Variants in PELP1 observed in about 807,000 individuals in gnomAD.
PELP1 encodes proline, glutamate and leucine rich protein 1.
A neutral mutation model predicts 95.5 loss-of-function variants in PELP1; 32 were observed. That is an observed-to-expected ratio of 0.34 (90% CI 0.25 to 0.45). The LOEUF is 0.45. Among genes scored for constraint, PELP1 ranks in the 20% least tolerant of loss-of-function variants. The probability of loss-of-function intolerance (pLI) is 1.00; values close to 1 mark genes in which losing one functional copy is unlikely to be tolerated. For synonymous variants in PELP1, 668 were observed against 600.1 expected, an observed-to-expected ratio of 1.11 and a Z score of -1.65; for missense variants, 1,358 against 1,444.8, an observed-to-expected ratio of 0.94 and a Z score of 0.97.
In PELP1 at chr17:4,680,711, T is replaced by C. The variant is rs560524167; in HGVS notation, c.642+1791A>G. Among the ~76,000 whole-genome samples, 6 of 152,356 alleles carry C rather than the reference T, an allele frequency of 3.9e-5. No homozygotes were observed. In the South Asian group the frequency reaches 1.0e-3, roughly 26 times the overall value. ...CCACAAATTCCAGCTCTCTAGAGAT[T>C]TGTGTTTCCATCTGAGTAAGCAGGT... On this transcript the variant is annotated intron_variant, in intron 5 of 16. Coordinates refer to ENST00000572293, the MANE Select transcript of PELP1 (RefSeq NM_014389.3).
At chr17:4,693,470 C>G (rs1408717683) in intron 1 of PELP1, among the ~76,000 whole-genome samples, 1 of 152,178 alleles carries the variant, frequency 6.6e-6, no homozygotes, top group Admixed American at 6.5e-5. Context: ...CAGTTAGGCA[C>G]AGTAAGAGAT....
chr17:4,686,653 G>A (rs1357773245), intron 3 of PELP1, among the ~76,000 whole-genome samples: 2 of 152,174 alleles, frequency 1.3e-5, no homozygotes, highest in Admixed American at 6.5e-5. Flanking sequence ...AAGTAGCTGG[G>A]ATTACAGGTG....
At chr17:4,700,928 C>CAAAA (rs61195131) in intron 1 of PELP1, among the ~76,000 whole-genome samples, 1 of 102,658 alleles carries the variant, frequency 9.7e-6, no homozygotes, top group Non-Finnish European at 1.8e-5. Flanking sequence ...GGCCCTATCT[C>CAAAA]AAAAAAAAAA....
chr17:4,688,326 G>A (rs577120592), intron 3 of PELP1, among the ~76,000 whole-genome samples: 2 of 151,216 alleles, frequency 1.3e-5, no homozygotes, highest in Admixed American at 6.6e-5. Flanking sequence ...CAGAATGAGA[G>A]ACTCCATCTA....
At position 4,675,081 on chromosome 17, in the gene PELP1, G is replaced by A. The variant is rs1242336825; in HGVS notation, c.1272C>T (p.Tyr424=). 6.2e-7 allele frequency: 1 copy of A among 1,613,304 alleles called. No homozygotes were observed. The highest frequency in any genetic ancestry group is 8.5e-7 in the Non-Finnish European group (1 of 1,179,474). ...DSLSPGQERP[Y]STVRTKVYAI... is the part of the protein sequence containing the mutation. Reference sequence around the variant, plus strand: ...TTCCTGCCTTCCTGGATGGTCACCTGTAAGGCCTCTCCTGGCCTGGAGAGA... The same window carrying A: ...TTCCTGCCTTCCTGGATGGTCACCTATAAGGCCTCTCCTGGCCTGGAGAGA... Residue 424 remains tyrosine, a splice_region_variant and synonymous_variant, in exon 11 of 17, where the codon TAC becomes TAT. Coordinates refer to ENST00000572293, the MANE Select transcript of PELP1 (RefSeq NM_014389.3). The surrounding 1 kb of genome is among the most constrained non-coding windows in gnomAD (Gnocchi z 4.3).
chr17:4,678,376 G>A (rs1433225596), intron 5 of PELP1, among the ~76,000 whole-genome samples: 3 of 152,012 alleles, frequency 2.0e-5, no homozygotes, highest in African/African-American at 7.3e-5. Flanking sequence ...TTGGGAGACT[G>A]ACGTGGGAGG....
intron 1 of PELP1, chr17:4,691,889 T>C (rs1913116995): frequency 6.5e-6 from 1 of 154,588 alleles, no homozygotes; most frequent in South Asian, 2.0e-4. Context: ...GCTGTAAAAA[T>C]GCCAACACAG....
intron 1 of PELP1, among the ~76,000 whole-genome samples, chr17:4,699,985 C>G (rs1913458935): frequency 6.8e-6 from 1 of 146,246 alleles, no homozygotes; most frequent in Admixed American, 7.1e-5. Context: ...TCACTGCAAC[C>G]TCTGCCCCGA....
At position 4,682,865 on chromosome 17, in the gene PELP1, G is replaced by A. The variant is rs888324031; in HGVS notation, c.508C>T (p.Arg170Trp). The A allele has an allele frequency of 8.1e-6, 13 of 1,601,962 alleles. No homozygotes were observed. The highest frequency in any genetic ancestry group is 6.8e-5 in the South Asian group (6 of 88,478). ...GGGAGGTGGTTCATGGAGATGTCCCGGAACAGTGCAGGCAGCTGGGCTGCA... is the reference window on the plus strand; with the variant it reads ...GGGAGGTGGTTCATGGAGATGTCCCAGAACAGTGCAGGCAGCTGGGCTGCA... ...RYAAQLPALF[R>W]DISMNHLPGL... Residue 170 changes from arginine to tryptophan, a missense_variant, in exon 4 of 17, where the codon CGG becomes TGG. By Grantham distance (101) the Arg-to-Trp change is moderately radical. Around this residue, in one of 7 missense-constraint regions of PELP1, gnomAD observed 538 missense variants for 628.1 expected, o/e 0.86. Coordinates refer to ENST00000572293, the MANE Select transcript of PELP1 (RefSeq NM_014389.3).
chr17:4,673,953 G>T lies in PELP1; in HGVS notation c.1583-279C>A. 2.3e-6 allele frequency: 1 copy of T among 434,670 alleles called. No homozygotes were observed. The highest frequency in any genetic ancestry group is 4.2e-6 in the Non-Finnish European group (1 of 238,632). 26.9% of individuals were successfully genotyped at this position (434,670 alleles called of 1,614,324 possible). Reference sequence around the variant, plus strand: ...CGGTTCTCCCCTTCCCATGGGATGGGGTGGCAGGCAGTGAAATATATGGGA... The same window carrying T: ...CGGTTCTCCCCTTCCCATGGGATGGTGTGGCAGGCAGTGAAATATATGGGA... On this transcript the variant is annotated intron_variant, in intron 13 of 16. Coordinates refer to ENST00000572293, the MANE Select transcript of PELP1 (RefSeq NM_014389.3). This position sits in a 1 kb window ranked among gnomAD's most constrained non-coding sequence, Gnocchi z 5.7.
At chr17:4,676,922 G>A (rs181387051) in intron 5 of PELP1, 110 bp from the exon 6 acceptor site, 2 of 796,504 alleles carry the variant, frequency 2.5e-6, no homozygotes, top group East Asian at 2.7e-5. Context: ...TCTTTTTCCT[G>A]TAGACACAAG....
Position 4,690,947 on chromosome 17 carries a change from T to A in PELP1, c.361A>T (p.Thr121Ser). The change falls in exon 3 of 17, where the codon ACA becomes TCA. Residue 121 changes from threonine (T) to serine (S), a missense_variant. Around this residue, in one of 7 missense-constraint regions of PELP1, gnomAD observed 538 missense variants for 628.1 expected, o/e 0.86. Coordinates refer to ENST00000572293, the MANE Select transcript of PELP1 (RefSeq NM_014389.3). The part of the protein sequence containing the change: ...LLSLLVGESP[T>S]ELFQQHCVSW... ...ACACAGTGCTGCTGGAATAGCTCTG[T>A]GGGGCTCTCCCCTACCAGCAGGGAC... The A allele has an allele frequency of 6.2e-7, 1 of 1,613,928 alleles. No individual in the cohort carries two copies. Among genetic ancestry groups the A allele is most frequent in the Non-Finnish European group, 8.5e-7 (1 of 1,179,820 alleles).
rs1055120434 is a variant in PELP1 at position 4,673,556 on chromosome 17, C to A, written c.1638+63G>T. 2 of 1,575,380 alleles carry A rather than the reference C, an allele frequency of 1.3e-6. No homozygotes were observed. Among genetic ancestry groups the A allele is most frequent in the Non-Finnish European group, 1.7e-6 (2 of 1,145,164 alleles). On this transcript the variant is annotated intron_variant, in intron 14 of 16. Coordinates refer to ENST00000572293, the MANE Select transcript of PELP1 (RefSeq NM_014389.3). This position sits in a 1 kb window ranked among gnomAD's most constrained non-coding sequence, Gnocchi z 5.7. ...GAATGGACCCACCTCTGGGCCACAC[C>A]CCCCAATGTGTACAGAGCAGGGGCC... is the stretch of plus-strand genomic sequence containing the variant.
intron 1 of PELP1, chr17:4,691,647 A>C: frequency 1.7e-6 from 1 of 573,874 alleles, no homozygotes. Flanking sequence ...TCCTCAAGTT[A>C]TATTTTGCCT....
intron 3 of PELP1, among the ~76,000 whole-genome samples, chr17:4,684,581 C>G (rs1295459818): frequency 6.6e-6 from 1 of 150,418 alleles, no homozygotes; most frequent in African/African-American, 2.5e-5. Flanking sequence ...GAACCTTACA[C>G]TGTCACTCGC....
intron 3 of PELP1, among the ~76,000 whole-genome samples, chr17:4,690,182 C>A (rs1913046550): frequency 1.3e-5 from 2 of 152,088 alleles, no homozygotes; most frequent in Admixed American, 1.3e-4. Context: ...GAATGAAAAA[C>A]CAAACATCGT....
At chr17:4,691,259 T>A (rs1170239678) in intron 2 of PELP1, 119 bp downstream of exon 2, 3 of 777,726 alleles carry the variant, frequency 3.9e-6, no homozygotes, top group Non-Finnish European at 6.6e-6. Flanking sequence ...CTCTCCACAC[T>A]CTTGGGAATA....
chr17:4,676,185 G>A, intron 7 of PELP1, 23 bp from the exon 8 acceptor site: 1 of 1,611,908 alleles, frequency 6.2e-7, no homozygotes, highest in Non-Finnish European at 8.5e-7. Context: ...CAACTACCCT[G>A]TACACTGTCT....
In PELP1 at chr17:4,674,823, C is replaced by G. The variant is rs751131098; in HGVS notation, c.1408G>C (p.Ala470Pro). The G allele has an allele frequency of 5.0e-6, 8 of 1,612,082 alleles. No individual in the cohort carries two copies. Among genetic ancestry groups the G allele is most frequent in the Non-Finnish European group, 6.8e-6 (8 of 1,179,050 alleles). ...THLLSDISPP[A>P]DALKLRSPRG... ...GGCCTCCTCACCTTAAGGGCATCAG[C>G]TGGCGGGGAGATGTCGCTGAGCAGG... Residue 470 changes from alanine to proline, a missense_variant, in exon 12 of 17, where the codon GCT becomes CCT. By Grantham distance (27) the Ala-to-Pro change is conservative (BLOSUM62 -1). Coordinates refer to ENST00000572293, the MANE Select transcript of PELP1 (RefSeq NM_014389.3).
Sources: allele counts gnomAD v4.1 joint callset (sites outside exome capture counted in the v4.1 genomes callset), GRCh38; gene constraint gnomAD v4.1.1; regional missense constraint gnomAD v4.1.1; non-coding constraint Gnocchi (gnomAD v3.1); transcripts MANE v1.5; gene names NCBI Gene and HGNC (gene_info 2026-07-23, HGNC 2026-07-21).